The following AAK1 variants were observed in gnomAD, a reference collection of about 807,000 sequenced individuals.
AAK1 encodes AP2-associated protein kinase 1.
In AAK1, 37 loss-of-function variants were observed where a neutral mutation model predicts 116.0. The observed-to-expected ratio is 0.32, with a 90% CI of 0.25 to 0.42. The LOEUF (loss-of-function observed/expected upper bound fraction) is 0.42. AAK1 is among the 10% of genes least tolerant of loss of function. AAK1 has a pLI of 1.00. For missense variants in AAK1, 919 were observed against 1,170.6 expected (o/e 0.79, Z 3.14); for synonymous variants, 458 against 439.9 (o/e 1.04, Z -0.51).
chr2:69,611,176 A>G (rs56049149), intron 2 of AAK1, among the ~76,000 whole-genome samples: 1 of 152,094 alleles, frequency 6.6e-6, no homozygotes, highest in Non-Finnish European at 1.5e-5. Flanking sequence ...CCCACCCTCA[A>G]TGTGGGTGGG....
At chr2:69,486,936 T>C (rs768403382) in intron 17 of AAK1, among the ~76,000 whole-genome samples, 10 of 152,148 alleles carry the variant, frequency 6.6e-5, no homozygotes, top group South Asian at 2.1e-4. Context: ...CAGGTTAGCA[T>C]TGGAAAGAAC....
Position 69,507,494 on chromosome 2 carries a change from G to A in AAK1, c.2091C>T (p.Pro697=), listed in dbSNP as rs772229686. Reference sequence around the variant, plus strand: ...GTTTGGAGAAATTATCGTCATCAAAGGGATTCCACGTAGACCCTTCTGAAG... The same window carrying A: ...GTTTGGAGAAATTATCGTCATCAAAAGGATTCCACGTAGACCCTTCTGAAG... ...YNPSEGSTWN[P]FDDDNFSKLT... is the part of the protein sequence containing the mutation. The change falls in exon 15 of 22, where the codon CCC becomes CCT. Residue 697 remains proline, a synonymous_variant. Transcript: ENST00000409085. 1 of 1,612,676 alleles carries A rather than the reference G, an allele frequency of 6.2e-7. No homozygotes were observed. The highest frequency in any genetic ancestry group is 8.5e-7 in the Non-Finnish European group (1 of 1,179,438).
intron 15 of AAK1, among the ~76,000 whole-genome samples, chr2:69,505,970 T>C (rs1299179767): frequency 6.6e-6 from 1 of 152,242 alleles, no homozygotes; most frequent in Admixed American, 6.5e-5. Flanking sequence ...ACTACGGAAC[T>C]GCACATTTAA....
In AAK1 at chr2:69,458,531, G is replaced by C. The variant is rs1222029967; in HGVS notation, c.*17338C>G. On this transcript the variant is annotated 3_prime_UTR_variant, in exon 22 of 22. Coordinates refer to ENST00000409085, the MANE Select transcript of AAK1 (RefSeq NM_014911.5). ...TGGGAACAAGGCTAAAGCCATGGCT[G>C]ATTTCCCCAACCTTTTATCGCGAAG... 1 of 152,652 alleles carries C rather than the reference G, an allele frequency of 6.6e-6. No homozygotes were observed. Among genetic ancestry groups the C allele is most frequent in the African/African-American group, 2.4e-5 (1 of 41,456 alleles). The allele number at this position is 152,652 out of a possible 1,614,324, so 9.5% of individuals were successfully genotyped here.
intron 3 of AAK1, among the ~76,000 whole-genome samples, chr2:69,546,244 G>C (rs898517366): frequency 2.6e-5 from 4 of 152,148 alleles, no homozygotes; most frequent in Non-Finnish European, 5.9e-5. Flanking sequence ...AAATGTATAG[G>C]AATGACAAAG....
intron 2 of AAK1, among the ~76,000 whole-genome samples, chr2:69,568,298 T>A (rs1192408159): frequency 6.6e-6 from 1 of 152,240 alleles, no homozygotes; most frequent in Non-Finnish European, 1.5e-5. Context: ...TTTCCACACT[T>A]ACTGCTTTTG....
chr2:69,577,446 G>A (rs536662799), intron 2 of AAK1, among the ~76,000 whole-genome samples: 1 of 152,050 alleles, frequency 6.6e-6, no homozygotes, highest in African/African-American at 2.4e-5. Flanking sequence ...AGACTACTCT[G>A]TAGAATTTAC....
intron 13 of AAK1, among the ~76,000 whole-genome samples, chr2:69,514,017 A>C (rs1217301044): frequency 6.6e-6 from 1 of 152,210 alleles, no homozygotes; most frequent in East Asian, 1.9e-4. Flanking sequence ...CGGGAGCTGC[A>C]TGGTAAACTT....
In AAK1 at chr2:69,475,649, G is replaced by A; in HGVS notation, c.*220C>T. ...TGAAGAAGGGTAATGAGAAAACACA[G>A]CAAACTAACAAGGAGGAACTGGCCA... is the stretch of plus-strand genomic sequence containing the variant. On this transcript the variant is annotated 3_prime_UTR_variant, in exon 22 of 22. Transcript: ENST00000409085. 1 of 1,342,146 alleles carries A rather than the reference G, an allele frequency of 7.5e-7. No individual in the cohort carries two copies. 83.1% of individuals were successfully genotyped at this position (1,342,146 alleles called of 1,614,324 possible).
intron 2 of AAK1, among the ~76,000 whole-genome samples, chr2:69,614,898 A>G (rs1457556093): frequency 1.3e-5 from 2 of 152,164 alleles, no homozygotes; most frequent in African/African-American, 4.8e-5. Context: ...ACGAGAAGCC[A>G]GAATAGGCAA....
rs1203662747 is a variant in AAK1, at chr2:69,465,165, G to GTGAAGGAGATGAAAA, written c.*10689_*10703dup. On this transcript the variant is annotated 3_prime_UTR_variant, in exon 22 of 22. Coordinates refer to ENST00000409085, the MANE Select transcript of AAK1 (RefSeq NM_014911.5). ...TTCTTGGTGGAAGTGGATGACCTCTGTGAAGGAGATGAAAATGCCTCCAAG... is the reference window on the plus strand; with the variant it reads ...TTCTTGGTGGAAGTGGATGACCTCTGTGAAGGAGATGAAAATGAAGGAGATGAAAATGCCTCCAAG... 3.5e-6 allele frequency: 1 copy of GTGAAGGAGATGAAAA among 281,718 alleles called. No homozygotes were observed. The highest frequency in any genetic ancestry group is 6.9e-6 in the Non-Finnish European group (1 of 145,958). The allele number at this position is 281,718 out of a possible 1,614,324, so 17.5% of individuals were successfully genotyped here.
intron 2 of AAK1, among the ~76,000 whole-genome samples, chr2:69,560,397 G>A (rs1323136038): frequency 6.6e-6 from 1 of 152,214 alleles, no homozygotes; most frequent in Non-Finnish European, 1.5e-5. Flanking sequence ...TTCAGCCTGA[G>A]TTGCATCCCA....
At chr2:69,613,657 T>C (rs1674191128) in intron 2 of AAK1, among the ~76,000 whole-genome samples, 1 of 152,226 alleles carries the variant, frequency 6.6e-6, no homozygotes, top group Non-Finnish European at 1.5e-5. Context: ...TAAAGGGGTT[T>C]AAAGAGCTTC....
At chr2:69,608,646 G>C (rs1356185796) in intron 2 of AAK1, among the ~76,000 whole-genome samples, 1 of 152,162 alleles carries the variant, frequency 6.6e-6, no homozygotes, top group Non-Finnish European at 1.5e-5. Context: ...TTGGAAAAGC[G>C]AAACAAATTC....
intron 2 of AAK1, among the ~76,000 whole-genome samples, chr2:69,615,216 C>T (rs890008782): frequency 6.6e-6 from 1 of 152,280 alleles, no homozygotes; most frequent in African/African-American, 2.4e-5. Context: ...ATGTGGACTT[C>T]GACCTCAGCT....
intron 11 of AAK1, 63 bp downstream of exon 11, chr2:69,520,771 A>G (rs1669740306): frequency 6.7e-7 from 1 of 1,491,786 alleles, no homozygotes; most frequent in Non-Finnish European, 8.9e-7. Flanking sequence ...GCTTTCCAAG[A>G]CTTCTCTGTT....
chr2:69,476,820 A>G lies in AAK1; in HGVS notation c.2791+60T>C. On this transcript the variant is annotated intron_variant, in intron 21 of 21. Transcript: ENST00000409085. ...TTCTTCCCCCTTGCAGATTAGGTGC[A>G]TGACTATTTTGAAGAGAACTGAGGC... 12 of 1,201,958 alleles carry G rather than the reference A, an allele frequency of 1.0e-5. No individual in the cohort carries two copies. In the South Asian group the frequency reaches 1.3e-4, roughly 13 times the overall value. The allele number at this position is 1,201,958 out of a possible 1,614,324, so 74.5% of individuals were successfully genotyped here.
intron 17 of AAK1, among the ~76,000 whole-genome samples, chr2:69,484,977 C>G (rs745725093): frequency 6.6e-6 from 1 of 151,968 alleles, no homozygotes; most frequent in Non-Finnish European, 1.5e-5. Flanking sequence ...ACCAAGTATA[C>G]AAGTGTAATT....
intron 3 of AAK1, among the ~76,000 whole-genome samples, chr2:69,550,610 T>C (rs1671138142): frequency 6.6e-6 from 1 of 151,582 alleles, no homozygotes; most frequent in African/African-American, 2.4e-5. Flanking sequence ...TTTTTTTCTA[T>C]TTTAAAATTT....
Sources: gnomAD v4.1 joint callset for allele counts (sites outside exome capture counted in the v4.1 genomes callset) on GRCh38, gnomAD v4.1.1 for gene constraint, MANE v1.5 for transcripts, NCBI Gene and HGNC (gene_info 2026-07-23, HGNC 2026-07-21) for gene names.